THBS4: variants seen among roughly 807,000 people sequenced by gnomAD.
THBS4 encodes thrombospondin-4.
A neutral mutation model predicts 115.7 loss-of-function variants in THBS4; 90 were observed. The observed-to-expected ratio is 0.78, with a 90% CI of 0.66 to 0.93. The LOEUF is 0.93. Among genes scored for constraint, THBS4 ranks in the 40% least tolerant of loss-of-function variants. The pLI is 0.00. For missense variants in THBS4, 1,087 were observed against 1,232.7 expected (o/e 0.88, Z 1.77); for synonymous variants, 460 against 479.3 (o/e 0.96, Z 0.53).
rs767916207 is a variant in THBS4 at position 80,070,371 on chromosome 5, C to A, written c.1413C>A (p.Pro471=). Residue 471 remains proline, a synonymous_variant, in exon 11 of 22, where the codon CCC becomes CCA. Transcript: ENST00000350881. Reference sequence around the variant, plus strand: ...AGGATGTGGACATCGACAGTTACCCCGACGAAGAACTGCCATGCTCTGCCA... The same window carrying A: ...AGGATGTGGACATCGACAGTTACCCAGACGAAGAACTGCCATGCTCTGCCA... ...CGKDVDIDSY[P]DEELPCSARN... is the part of the protein sequence containing the mutation. The A allele has an allele frequency of 2.0e-5, 32 of 1,613,164 alleles. No homozygotes were observed. Among genetic ancestry groups the A allele is most frequent in the Non-Finnish European group, 2.6e-5 (31 of 1,179,606 alleles).
At position 80,055,765 on chromosome 5, in the gene THBS4, TG is replaced by T. The variant is rs1215903580; in HGVS notation, c.293-19del. The T allele has an allele frequency of 6.2e-7, 1 of 1,603,432 alleles. No homozygotes were observed. Among genetic ancestry groups the T allele is most frequent in the Non-Finnish European group, 8.5e-7 (1 of 1,173,048 alleles). Reference sequence around the variant, plus strand: ...CTCTGCCACTTATCACACCATTGGTTGACCTGTGCTTGCTTCCAGCCATCCT... The same window carrying T: ...CTCTGCCACTTATCACACCATTGGTTACCTGTGCTTGCTTCCAGCCATCCT... On this transcript the variant is annotated intron_variant, in intron 2 of 21. Transcript: ENST00000350881.
At position 80,025,402 on chromosome 5, in the gene THBS4, C is replaced by T. The variant is rs117971443; in HGVS notation, n.178-14675C>T. ...CAAGTCTGCAGGCCTCTGATTTTAG[C>T]TGCTTAACTATTGGATACACAGACA... On this transcript the variant is annotated intron_variant and non_coding_transcript_variant, in intron 2 of 3. Coordinates refer to the THBS4 transcript ENST00000510218. Among the ~76,000 whole-genome samples the T allele has an allele frequency of 1.8e-3, 275 of 152,272 alleles. 6 individuals are homozygous for T. The East Asian group carries it at 0.049, about 27-fold the overall frequency.
chr5:80,077,622 G>A (rs572967154), intron 16 of THBS4, among the ~76,000 whole-genome samples: 2 of 152,294 alleles, frequency 1.3e-5, no homozygotes, highest in Non-Finnish European at 2.9e-5. Context: ...ACACACGTGG[G>A]GGCCACCAGA....
chr5:80,041,543 G>A (rs17885466), intron 2 of THBS4, among the ~76,000 whole-genome samples: 2,687 of 152,264 alleles, frequency 0.018, 33 homozygotes, highest in Non-Finnish European at 0.027. Flanking sequence ...ACCTCAACCA[G>A]TAGAACAGGA....
At chr5:80,065,379 C>T in intron 8 of THBS4, 30 bp from the exon 9 acceptor site, 1 of 1,597,512 alleles carries the variant, frequency 6.3e-7, no homozygotes, top group Non-Finnish European at 8.5e-7. Context: ...GCATGTCTCG[C>T]TAAACTTTCT....
chr5:80,050,108 A>G (rs1262239324), intron 2 of THBS4, among the ~76,000 whole-genome samples: 1 of 152,214 alleles, frequency 6.6e-6, no homozygotes, highest in Admixed American at 6.5e-5. Context: ...AAAACCAAGG[A>G]TGTGAACTCA....
At chr5:79,993,336 A>T (rs1023977231) in intron 1 of THBS4, among the ~76,000 whole-genome samples, 10 of 152,204 alleles carry the variant, frequency 6.6e-5, no homozygotes, top group African/African-American at 2.4e-4. Context: ...GATTGAATTT[A>T]AAAAACTCTA....
chr5:80,028,451 C>A (rs1832522436), intron 2 of THBS4, among the ~76,000 whole-genome samples: 1 of 146,220 alleles, frequency 6.8e-6, no homozygotes, highest in Non-Finnish European at 1.5e-5. Context: ...CCGCACCATA[C>A]TTTTTTTTTT....
chr5:80,041,516 C>A (rs1052191081), intron 2 of THBS4, among the ~76,000 whole-genome samples: 1 of 152,098 alleles, frequency 6.6e-6, no homozygotes, highest in African/African-American at 2.4e-5. Flanking sequence ...CCTACCTGGC[C>A]GTGATGGAAA....
intron 2 of THBS4, among the ~76,000 whole-genome samples, chr5:80,029,717 T>A (rs10071934): frequency 0.29 from 44,160 of 151,306 alleles, 6,633 homozygotes; most frequent in Middle Eastern, 0.37. Context: ...CCCAGCACTT[T>A]GGGAGGCCGA....
intron 2 of THBS4, among the ~76,000 whole-genome samples, chr5:80,016,190 G>T (rs533044006): frequency 6.6e-6 from 1 of 152,110 alleles, no homozygotes; most frequent in Non-Finnish European, 1.5e-5. Flanking sequence ...TGCCTTAAAC[G>T]TGTTGATGTC....
chr5:80,040,360 G>A, intron 2 of THBS4, 80 bp downstream of exon 2: 1 of 1,147,018 alleles, frequency 8.7e-7, no homozygotes, highest in Non-Finnish European at 1.3e-6. Flanking sequence ...TCTTTGAGAT[G>A]GTTTCCTTGT....
In THBS4 at chr5:80,068,135, T is replaced by C; in HGVS notation, c.1347+10T>C. On this transcript the variant is annotated intron_variant, in intron 10 of 21. Coordinates refer to ENST00000350881, the MANE Select transcript of THBS4 (RefSeq NM_003248.6). The stretch of plus-strand genomic sequence containing the variant: ...GGATGTGACATGTGTGGTAAGTTGT[T>C]TTTTGACTTCCTCTATCATTTTTCC... 6.2e-7 allele frequency: 1 copy of C among 1,612,976 alleles called. No homozygotes were observed. The highest frequency in any genetic ancestry group is 8.5e-7 in the Non-Finnish European group (1 of 1,179,530).
In THBS4 at chr5:80,073,265, C is replaced by T. The variant is rs767649744; in HGVS notation, c.1840-10C>T. The T allele has an allele frequency of 6.2e-7, 1 of 1,613,894 alleles. No homozygotes were observed. Among genetic ancestry groups the T allele is most frequent in the South Asian group, 1.1e-5 (1 of 91,060 alleles). On this transcript the variant is annotated splice_polypyrimidine_tract_variant and intron_variant, in intron 14 of 21. Transcript: ENST00000350881. Reference sequence around the variant, plus strand: ...CCAGGAATAAATAACATGTGCTGTTCTCTTTGCAGTCTGATGTGGATAATG... The same window carrying T: ...CCAGGAATAAATAACATGTGCTGTTTTCTTTGCAGTCTGATGTGGATAATG...
chr5:80,003,206 T>G (rs886808259), intron 2 of THBS4, among the ~76,000 whole-genome samples: 8 of 152,178 alleles, frequency 5.3e-5, no homozygotes, highest in African/African-American at 9.6e-5. Flanking sequence ...TAGTAGGAAC[T>G]AATGTTTCTG....
intron 2 of THBS4, among the ~76,000 whole-genome samples, chr5:80,014,721 A>G (rs994706468): frequency 1.3e-5 from 2 of 152,178 alleles, no homozygotes; most frequent in Admixed American, 6.6e-5. Context: ...GAGTGAGGAA[A>G]ATAGCCAAGG....
intron 2 of THBS4, among the ~76,000 whole-genome samples, chr5:80,054,632 T>C (rs1156334271): frequency 2.0e-5 from 3 of 152,068 alleles, no homozygotes; most frequent in African/African-American, 7.2e-5. Flanking sequence ...CCAATTTTTT[T>C]AAATTTACTT....
intron 21 of THBS4, 77 bp downstream of exon 21, chr5:80,082,622 C>T (rs1015031328): frequency 1.7e-5 from 27 of 1,550,458 alleles, no homozygotes; most frequent in Non-Finnish European, 2.4e-5. Flanking sequence ...TTATACCGCA[C>T]TTCCCCCCCA....
chr5:80,054,721 T>G (rs1373442324), intron 2 of THBS4, among the ~76,000 whole-genome samples: 3 of 152,034 alleles, frequency 2.0e-5, no homozygotes, highest in African/African-American at 7.2e-5. Flanking sequence ...CACCTCGGCC[T>G]CCCAAAGTGC....
Sources: gnomAD v4.1 joint callset for allele counts (sites outside exome capture counted in the v4.1 genomes callset) on GRCh38, gnomAD v4.1.1 for gene constraint, MANE v1.5 for transcripts, NCBI Gene and HGNC (gene_info 2026-07-23, HGNC 2026-07-21) for gene names.